The following ARHGEF3 variants were observed in gnomAD, a reference collection of about 807,000 sequenced individuals.
ARHGEF3 encodes the protein Rho guanine nucleotide exchange factor 3, also known as 59.8 kDA protein.
Under a neutral mutation model 63.2 loss-of-function variants are expected in ARHGEF3, and 28 were observed. That is an observed-to-expected ratio of 0.44 (90% CI 0.33 to 0.61). The LOEUF is 0.61. ARHGEF3 is among the 20% of genes least tolerant of loss of function. ARHGEF3 has a pLI of 0.03. For synonymous variants in ARHGEF3, 266 were observed against 254.2 expected, an observed-to-expected ratio of 1.05 and a Z score of -0.44; for missense variants, 533 against 659.3, an observed-to-expected ratio of 0.81 and a Z score of 2.10.
chr3:56,971,084 C>T (rs1700888914), intron 2 of ARHGEF3, among the ~76,000 whole-genome samples: 1 of 152,198 alleles, frequency 6.6e-6, no homozygotes, highest in African/African-American at 2.4e-5. Context: ...TCGCTGCTGT[C>T]ACTGCACTCC....
At chr3:57,073,938 T>C (rs1268850159) in intron 1 of ARHGEF3, 1 of 1,614,220 alleles carries the variant, frequency 6.2e-7, no homozygotes, top group Admixed American at 1.7e-5. Context: ...AAGTGAGACC[T>C]GTCAGAGATA....
intron 4 of ARHGEF3, among the ~76,000 whole-genome samples, chr3:56,823,736 G>C (rs1257139132): frequency 6.6e-6 from 1 of 152,118 alleles, no homozygotes. Context: ...GCCAGAACCA[G>C]GGTTGCAATA....
chr3:57,013,393 A>G (rs1391121277), intron 2 of ARHGEF3, among the ~76,000 whole-genome samples: 1 of 152,240 alleles, frequency 6.6e-6, no homozygotes, highest in African/African-American at 2.4e-5. Flanking sequence ...TGCACCAATC[A>G]GCACTTTGTG....
chr3:56,956,747 G>C (rs1395529338), intron 3 of ARHGEF3, among the ~76,000 whole-genome samples: 1 of 152,104 alleles, frequency 6.6e-6, no homozygotes, highest in Non-Finnish European at 1.5e-5. Context: ...GAGCAGAAGG[G>C]GAGCAATACT....
Position 56,948,041 on chromosome 3 carries a change from C to T in ARHGEF3, c.129+10782G>A, listed in dbSNP as rs9850736. Among the ~76,000 whole-genome samples the T allele has an allele frequency of 5.7e-3, 872 of 152,156 alleles. 8 individuals are homozygous for T. Among genetic ancestry groups the T allele is most frequent in the African/African-American group, 0.02 (816 of 41,504 alleles). On this transcript the variant is annotated intron_variant, in intron 3 of 12. Transcript: ENST00000338458. ...TCCTGAATGACTACTGGGTACATAA[C>T]GAAATGAAGGCAGAAATTAACATGT...
At chr3:57,062,042 A>G (rs1180821882) in intron 1 of ARHGEF3, among the ~76,000 whole-genome samples, 2 of 152,062 alleles carry the variant, frequency 1.3e-5, no homozygotes, top group East Asian at 1.9e-4. Context: ...AGGATCAAGT[A>G]AAAAAAGAGA....
intron 4 of ARHGEF3, among the ~76,000 whole-genome samples, chr3:56,872,368 T>C (rs4681924): frequency 0.43 from 65,424 of 152,128 alleles, 14,157 homozygotes; most frequent in East Asian, 0.53. Flanking sequence ...ATAACGTATA[T>C]AGCATGTGTT....
chr3:56,754,902 G>A (rs918092297), intron 3 of ARHGEF3, 79 bp downstream of exon 3: 5 of 1,573,988 alleles, frequency 3.2e-6, no homozygotes, highest in Non-Finnish European at 4.3e-6. Flanking sequence ...GGAGACTAAG[G>A]CGCAAATTCC....
chr3:56,788,356 G>C (rs2036925909), intron 1 of ARHGEF3, among the ~76,000 whole-genome samples: 2 of 152,136 alleles, frequency 1.3e-5, no homozygotes, highest in Non-Finnish European at 2.9e-5. Context: ...TGTTGTTAAT[G>C]ACTTGGTCAA....
At chr3:56,994,675 T>C (rs1701903620) in intron 2 of ARHGEF3, among the ~76,000 whole-genome samples, 6 of 152,130 alleles carry the variant, frequency 3.9e-5, no homozygotes. Flanking sequence ...CATATTTTTC[T>C]CATTAAACCT....
chr3:56,891,341 CTT>C (rs146940929), intron 3 of ARHGEF3, among the ~76,000 whole-genome samples: 51 of 140,544 alleles, frequency 3.6e-4, no homozygotes, highest in South Asian at 9.2e-4. Flanking sequence ...TAGTACACTG[CTT>C]TTTTTTTTTT....
At chr3:56,877,909 T>C (rs767557608) in intron 4 of ARHGEF3, among the ~76,000 whole-genome samples, 22 of 152,188 alleles carry the variant, frequency 1.4e-4, no homozygotes, top group Non-Finnish European at 2.5e-4. Flanking sequence ...CATTTGTATG[T>C]CTGAAATATT....
chr3:56,732,195 G>T, intron 9 of ARHGEF3, 43 bp downstream of exon 9: 2 of 1,608,324 alleles, frequency 1.2e-6, no homozygotes, highest in South Asian at 1.1e-5. Flanking sequence ...AAACTACCAC[G>T]GCCAAAAACA....
At chr3:56,795,655 C>CTCGTTTTTTTT (rs57400467) in intron 1 of ARHGEF3, among the ~76,000 whole-genome samples, 3 of 130,544 alleles carry the variant, frequency 2.3e-5, no homozygotes, top group Non-Finnish European at 4.8e-5. Flanking sequence ...GTCTCTCTCT[C>CTCGTTTTTTTT]TTTTTTTTTT....
intron 1 of ARHGEF3, among the ~76,000 whole-genome samples, chr3:57,072,172 G>A (rs1705944674): frequency 1.3e-5 from 2 of 152,154 alleles, no homozygotes; most frequent in African/African-American, 4.8e-5. Flanking sequence ...CTGCTGGTGG[G>A]ATTTTAAAAC....
intron 2 of ARHGEF3, among the ~76,000 whole-genome samples, chr3:56,764,902 G>A (rs962952876): frequency 4.6e-5 from 7 of 151,814 alleles, no homozygotes; most frequent in East Asian, 1.9e-4. Context: ...GATTACAGGC[G>A]CCTGCCACCA....
chr3:56,996,893 T>TTA (rs1362315645), intron 2 of ARHGEF3, among the ~76,000 whole-genome samples: 1,362 of 94,582 alleles, frequency 0.014, 11 homozygotes, highest in South Asian at 0.043. Context: ...TATTATTATT[T>TTA]TTTTTTTTTT....
rs1235160376 is a variant in ARHGEF3, at chr3:57,042,698, A to AT, written c.-27-7523dup. Among the ~76,000 whole-genome samples the AT allele has an allele frequency of 5.1e-4, 21 of 41,412 alleles. 1 individual carries two copies. The highest frequency in any genetic ancestry group is 8.8e-4 in the Admixed American group (2 of 2,268). The allele number at this position is 41,412 out of a possible 152,430, so 27.2% of individuals were successfully genotyped here. A position where few individuals can be genotyped will look rare whatever the true frequency, so the allele number is the denominator to read the frequency against. ...TATATATATATATATATATATATAT[A>AT]TATTTTTTTTTTTTTTTAGACGGAG... On this transcript the variant is annotated intron_variant, in intron 1 of 12. Transcript: ENST00000338458.
intron 1 of ARHGEF3, among the ~76,000 whole-genome samples, chr3:57,063,211 T>G (rs1238949536): frequency 6.6e-6 from 1 of 151,472 alleles, no homozygotes. Flanking sequence ...GTGGCTAGAG[T>G]GCGGTTATGA....
Sources: allele counts gnomAD v4.1 joint callset (sites outside exome capture counted in the v4.1 genomes callset), GRCh38; gene constraint gnomAD v4.1.1; transcripts MANE v1.5; gene names NCBI Gene and HGNC (gene_info 2026-07-23, HGNC 2026-07-21).